PCDH9: variants seen among roughly 807,000 people sequenced by gnomAD.
PCDH9 encodes protocadherin-9.
A neutral mutation model predicts 70.6 loss-of-function variants in PCDH9; 24 were observed. The ratio of observed to expected loss-of-function variants is 0.34; its 90% confidence interval spans 0.25 to 0.48. The LOEUF is 0.48. Ranked by LOEUF, PCDH9 falls within the 20% of genes least tolerant of loss-of-function variation. The pLI is 0.99. For missense variants in PCDH9, 1,281 were observed against 1,503.6 expected, an observed-to-expected ratio of 0.85 and a Z score of 2.45; for synonymous variants, 562 against 558.5, an observed-to-expected ratio of 1.01 and a Z score of -0.09.
At chr13:66,746,783 C>T (rs936733560) in intron 3 of PCDH9, among the ~76,000 whole-genome samples, 2 of 151,852 alleles carry the variant, frequency 1.3e-5, no homozygotes, top group African/African-American at 4.8e-5. Flanking sequence ...AAAACCAGAA[C>T]AAGATTAAAT....
intron 2 of PCDH9, among the ~76,000 whole-genome samples, chr13:67,068,862 G>A (rs552591322): frequency 6.6e-6 from 1 of 152,178 alleles, no homozygotes; most frequent in South Asian, 2.1e-4. Context: ...AAGGACCAAG[G>A]ACTAATCCTA....
chr13:66,818,283 A>G (rs1022329157), intron 3 of PCDH9, among the ~76,000 whole-genome samples: 16 of 152,346 alleles, frequency 1.1e-4, no homozygotes, highest in African/African-American at 3.8e-4. Flanking sequence ...AAGAAGGACT[A>G]AAAATTCCAT....
rs142445875 is a variant in PCDH9, at chr13:67,029,159, A to G, written c.3037-125554T>C. On this transcript the variant is annotated intron_variant, in intron 2 of 4. Transcript: ENST00000377865. ...AAAAAGCAATTTTGATAAAATACTT[A>G]AAGAACTTTGGAAATTTTTTTTCTC... Among the ~76,000 whole-genome samples the G allele has an allele frequency of 1.1e-3, 160 of 152,316 alleles. 1 individual carries two copies. The highest frequency in any genetic ancestry group is 3.7e-3 in the African/African-American group (154 of 41,572).
chr13:67,014,239 G>C (rs1485360650), intron 2 of PCDH9, among the ~76,000 whole-genome samples: 2 of 152,094 alleles, frequency 1.3e-5, no homozygotes, highest in Admixed American at 1.3e-4. Flanking sequence ...TGGCCAGTAA[G>C]TAAGATTGTC....
At chr13:66,567,043 T>C (rs558660209) in intron 4 of PCDH9, among the ~76,000 whole-genome samples, 31 of 152,216 alleles carry the variant, frequency 2.0e-4, no homozygotes, top group African/African-American at 6.7e-4. Flanking sequence ...GGGAAAGTTC[T>C]CCATTCTTAT....
intron 4 of PCDH9, among the ~76,000 whole-genome samples, chr13:66,420,297 C>T (rs956964106): frequency 3.3e-5 from 5 of 152,194 alleles, no homozygotes; most frequent in Admixed American, 1.3e-4. Context: ...AGCAGCGGAT[C>T]TCCCAACACA....
At chr13:66,568,619 C>T (rs538396440) in intron 4 of PCDH9, among the ~76,000 whole-genome samples, 1 of 145,414 alleles carries the variant, frequency 6.9e-6, no homozygotes, top group East Asian at 2.1e-4. Flanking sequence ...CTGCAGTGAG[C>T]TATGATCATG....
chr13:66,945,384 CAT>C (rs1487218901), intron 2 of PCDH9, among the ~76,000 whole-genome samples: 1 of 152,072 alleles, frequency 6.6e-6, no homozygotes, highest in Admixed American at 6.6e-5. Flanking sequence ...TGCATACGTA[CAT>C]AGTGAAAATT....
At chr13:66,392,818 C>G (rs150304433) in intron 4 of PCDH9, among the ~76,000 whole-genome samples, 16 of 151,558 alleles carry the variant, frequency 1.1e-4, no homozygotes, top group Middle Eastern at 3.5e-3. Context: ...AAGAAGTTCC[C>G]TATCTCTGCA....
intron 2 of PCDH9, among the ~76,000 whole-genome samples, chr13:67,163,931 T>TG (rs2088032903): frequency 1.3e-5 from 2 of 152,110 alleles, no homozygotes; most frequent in Non-Finnish European, 1.5e-5. Context: ...TAAAAGATAA[T>TG]GGGGGTCTCT....
At position 66,911,556 on chromosome 13, in the gene PCDH9, A is replaced by G. The variant is rs1389917790; in HGVS notation, c.3037-7951T>C. On this transcript the variant is annotated intron_variant, in intron 2 of 4. Transcript: ENST00000377865. ...TATATGAGTTTTATGCAATTCTTTTAACCCAGTTGCTATGAGCACGCACTG... is the reference window on the plus strand; with the variant it reads ...TATATGAGTTTTATGCAATTCTTTTGACCCAGTTGCTATGAGCACGCACTG... Among the ~76,000 whole-genome samples the G allele has an allele frequency of 2.0e-5, 3 of 152,200 alleles. No homozygotes were observed. The East Asian group carries it at 5.8e-4, about 29-fold the overall frequency.
chr13:66,856,917 G>A (rs532766162), intron 3 of PCDH9, among the ~76,000 whole-genome samples: 5 of 152,024 alleles, frequency 3.3e-5, no homozygotes, highest in South Asian at 4.2e-4. Flanking sequence ...TGTAGGTGGG[G>A]CATACACTAT....
In PCDH9 at chr13:66,971,255, T is replaced by A. The variant is rs116812211; in HGVS notation, c.3037-67650A>T. Among the ~76,000 whole-genome samples the A allele has an allele frequency of 6.7e-3, 1,016 of 152,182 alleles. 22 individuals are homozygous for A. Among genetic ancestry groups the A allele is most frequent in the African/African-American group, 0.024 (980 of 41,550 alleles). ...ATATCACAAAGGATACACGATTGTGTTATTCATATGTGTAATCACCCATGG... is the reference window on the plus strand; with the variant it reads ...ATATCACAAAGGATACACGATTGTGATATTCATATGTGTAATCACCCATGG... On this transcript the variant is annotated intron_variant, in intron 2 of 4. Transcript: ENST00000377865.
At chr13:67,088,983 T>C (rs2086163481) in intron 2 of PCDH9, among the ~76,000 whole-genome samples, 1 of 152,000 alleles carries the variant, frequency 6.6e-6, no homozygotes, top group Non-Finnish European at 1.5e-5. Flanking sequence ...TGAAAGCATA[T>C]AAACAAGCAT....
At chr13:66,832,886 T>C (rs2080953006) in intron 3 of PCDH9, among the ~76,000 whole-genome samples, 1 of 152,122 alleles carries the variant, frequency 6.6e-6, no homozygotes, top group African/African-American at 2.4e-5. Flanking sequence ...ACTGAACTTA[T>C]TTCTACTACC....
intron 4 of PCDH9, among the ~76,000 whole-genome samples, chr13:66,377,143 G>T (rs1956763059): frequency 6.6e-6 from 1 of 152,164 alleles, no homozygotes; most frequent in African/African-American, 2.4e-5. Context: ...GGCCAGAATT[G>T]TTAGTTTTGC....
At chr13:66,831,953 G>A (rs2080934227) in intron 3 of PCDH9, among the ~76,000 whole-genome samples, 1 of 151,948 alleles carries the variant, frequency 6.6e-6, no homozygotes, top group African/African-American at 2.4e-5. Flanking sequence ...ATTTTTTTAG[G>A]GGACATAACA....
At chr13:66,563,299 G>A (rs371477129) in intron 4 of PCDH9, among the ~76,000 whole-genome samples, 5 of 152,002 alleles carry the variant, frequency 3.3e-5, no homozygotes, top group East Asian at 1.9e-4. Context: ...GTCCTTTTCC[G>A]TTTGCTCCCA....
In PCDH9 at chr13:66,303,494, T is replaced by C. The variant is rs1002384860; in HGVS notation, c.*1161A>G. 1 of 152,558 alleles carries C rather than the reference T, an allele frequency of 6.6e-6. No homozygotes were observed. Among genetic ancestry groups the C allele is most frequent in the African/African-American group, 2.4e-5 (1 of 41,450 alleles). 9.5% of individuals were successfully genotyped at this position (152,558 alleles called of 1,614,324 possible). A position where few individuals can be genotyped will look rare whatever the true frequency, so the allele number is the denominator to read the frequency against. On this transcript the variant is annotated 3_prime_UTR_variant, in exon 5 of 5. Transcript: ENST00000377865. ...CAACACATTAAATATTTTGTGGCTA[T>C]GGTCTAATAACACTTGTGTTACAAC...
Sources: gnomAD v4.1 joint callset for allele counts (sites outside exome capture counted in the v4.1 genomes callset) on GRCh38, gnomAD v4.1.1 for gene constraint, MANE v1.5 for transcripts, NCBI Gene and HGNC (gene_info 2026-07-23, HGNC 2026-07-21) for gene names.